The following ADAMTS18 variants were observed in gnomAD, a reference collection of about 807,000 sequenced individuals.
ADAMTS18 encodes the protein A disintegrin and metalloproteinase with thrombospondin motifs 18.
In ADAMTS18, 157 loss-of-function variants were observed where a neutral mutation model predicts 165.9. The ratio of observed to expected loss-of-function variants is 0.95; its 90% CI spans 0.83 to 1.08. The LOEUF (loss-of-function observed/expected upper bound fraction) is 1.08, where lower values mean the gene tolerates loss of function less well. Ranked by LOEUF, ADAMTS18 falls within the 50% of genes least tolerant of loss-of-function variation. The probability of loss-of-function intolerance (pLI) is 0.00; values close to 1 mark genes in which losing one functional copy is unlikely to be tolerated. For missense variants in ADAMTS18, 2,040 were observed against 1,534.0 expected (o/e 1.33, Z -5.51); for synonymous variants, 782 against 578.2 (o/e 1.35, Z -5.06).
intron 11 of ADAMTS18, among the ~76,000 whole-genome samples, chr16:77,340,911 G>C (rs1435401892): frequency 6.6e-6 from 1 of 152,030 alleles, no homozygotes; most frequent in Non-Finnish European, 1.5e-5. Context: ...TTTCTGTATA[G>C]GTTTATACTG....
In ADAMTS18 at chr16:77,380,031, G is replaced by C. The variant is rs568082870; in HGVS notation, c.496-12308C>G. 6.7e-4 allele frequency among the ~76,000 whole-genome samples: 102 copies of C among 152,298 alleles called. 1 individual carries two copies. Among genetic ancestry groups the C allele is most frequent in the Non-Finnish European group, 1.2e-3 (84 of 68,028 alleles). Reference sequence around the variant, plus strand: ...CTGATAACGGTAGACTAGAAAAAAGGTTCCAAAAGTCTTGCTGCCGAGGTC... The same window carrying C: ...CTGATAACGGTAGACTAGAAAAAAGCTTCCAAAAGTCTTGCTGCCGAGGTC... On this transcript the variant is annotated intron_variant, in intron 3 of 22. Coordinates refer to ENST00000282849, the MANE Select transcript of ADAMTS18 (RefSeq NM_199355.4).
In ADAMTS18 at chr16:77,353,715, A is replaced by C. The variant is rs746117299; in HGVS notation, c.1614+18T>G. On this transcript the variant is annotated intron_variant, in intron 10 of 22. Transcript: ENST00000282849. ...TTGCAGAGTCTTAATGTAAGTTTGA[A>C]ATCACAAGCAAACATACCTTCACAA... is the stretch of plus-strand genomic sequence containing the variant. 5.0e-6 allele frequency: 8 copies of C among 1,614,190 alleles called. No individual in the cohort carries two copies. The Admixed American group carries it at 5.0e-5, about 10-fold the overall frequency.
In ADAMTS18 at chr16:77,314,649, G is replaced by GTGTGTGTGTATA. The variant is rs10527824; in HGVS notation, c.2532+5199_2532+5200insTATACACACACA. Among the ~76,000 whole-genome samples the GTGTGTGTGTATA allele has an allele frequency of 8.8e-3, 1,108 of 126,444 alleles. 33 individuals carry two copies. The highest frequency in any genetic ancestry group is 0.029 in the African/African-American group (941 of 32,088). 83.0% of individuals were successfully genotyped at this position (126,444 alleles called of 152,430 possible). A position where few individuals can be genotyped will look rare whatever the true frequency, so the allele number is the denominator to read the frequency against. On this transcript the variant is annotated intron_variant, in intron 16 of 22. Transcript: ENST00000282849. Reference sequence around the variant, plus strand: ...AATGTGTGTGTATGTGTGTGTGTGTGTATATATATATATGTACATATATAC... The same window carrying GTGTGTGTGTATA: ...AATGTGTGTGTATGTGTGTGTGTGTGTGTGTGTGTATATATATATATATATGTACATATATAC...
At chr16:77,432,452 T>C (rs919047319) in intron 2 of ADAMTS18, 2 of 152,204 alleles carry the variant, frequency 1.3e-5, no homozygotes, top group African/African-American at 4.8e-5. Flanking sequence ...AATTGCTGAA[T>C]GTTCCAAAGA....
intron 22 of ADAMTS18, among the ~76,000 whole-genome samples, chr16:77,286,627 A>ATTTTTATGATTT (rs1205089561): frequency 1.3e-5 from 2 of 152,076 alleles, no homozygotes; most frequent in Non-Finnish European, 2.9e-5. Flanking sequence ...ATTCAACTCT[A>ATTTTTATGATTT]TTTTTATGAT....
chr16:77,364,478 G>A, intron 4 of ADAMTS18, 97 bp from the exon 5 acceptor site: 2 of 1,358,756 alleles, frequency 1.5e-6, no homozygotes, highest in South Asian at 1.3e-5. Context: ...GAGAAACTAT[G>A]TAACCAACAC....
chr16:77,400,456 CTGTGTG>C (rs796918149), intron 3 of ADAMTS18, among the ~76,000 whole-genome samples: 12 of 110,788 alleles, frequency 1.1e-4, no homozygotes, highest in Middle Eastern at 4.7e-3. Flanking sequence ...GTGTGTGTGT[CTGTGTG>C]TGTGTGTGTG....
At chr16:77,371,126 G>A (rs997040838) in intron 3 of ADAMTS18, among the ~76,000 whole-genome samples, 33 of 152,054 alleles carry the variant, frequency 2.2e-4, no homozygotes, top group African/African-American at 7.7e-4. Context: ...GAGCTGGGAG[G>A]ATTGCCTTAG....
At chr16:77,382,317 T>C (rs1943229592) in intron 3 of ADAMTS18, among the ~76,000 whole-genome samples, 1 of 152,110 alleles carries the variant, frequency 6.6e-6, no homozygotes, top group African/African-American at 2.4e-5. Context: ...TTCATGCCAT[T>C]CTCCTGCCTC....
At chr16:77,387,488 A>C (rs957004885) in intron 3 of ADAMTS18, among the ~76,000 whole-genome samples, 1 of 152,222 alleles carries the variant, frequency 6.6e-6, no homozygotes, top group East Asian at 1.9e-4. Flanking sequence ...TCAAGAGTAC[A>C]CACACAGAGG....
chr16:77,377,433 T>C (rs1368165166), intron 3 of ADAMTS18, among the ~76,000 whole-genome samples: 1 of 152,236 alleles, frequency 6.6e-6, no homozygotes, highest in African/African-American at 2.4e-5. Context: ...TTTCTACCTA[T>C]TAAATAATCA....
At chr16:77,372,467 G>T (rs2056889952) in intron 3 of ADAMTS18, among the ~76,000 whole-genome samples, 2 of 152,202 alleles carry the variant, frequency 1.3e-5, no homozygotes, top group Admixed American at 6.5e-5. Flanking sequence ...GGTAACACAG[G>T]ATAGTCATCT....
In ADAMTS18 at chr16:77,434,652, C is replaced by T. The variant is rs1167321470; in HGVS notation, c.44G>A (p.Gly15Asp). The part of the protein sequence containing the change: ...LLLACAFPAA[G>D]SGPPRGLAGL... ...CGCCAGGCCCCTCGGCGGGCCCGAA[C>T]CCGCAGCCGGGAAGGCACACGCGAG... Residue 15 changes from glycine to aspartate, a missense_variant, in exon 1 of 23, where the codon GGT becomes GAT. Physicochemically the swap from Gly to Asp is moderately conservative, Grantham distance 94 (BLOSUM62 -1). Transcript: ENST00000282849. 3 of 1,480,322 alleles carry T rather than the reference C, an allele frequency of 2.0e-6. No individual in the cohort carries two copies. The highest frequency in any genetic ancestry group is 2.9e-5 in the African/African-American group (2 of 68,258). The allele number at this position is 1,480,322 out of a possible 1,614,324, so 91.7% of individuals were successfully genotyped here.
chr16:77,409,120 A>G (rs971721449), intron 3 of ADAMTS18, among the ~76,000 whole-genome samples: 1 of 152,168 alleles, frequency 6.6e-6, no homozygotes, highest in Non-Finnish European at 1.5e-5. Flanking sequence ...AGTTTCAGGC[A>G]TCCACCGGAG....
chr16:77,408,878 T>C (rs1009892653), intron 3 of ADAMTS18, among the ~76,000 whole-genome samples: 1 of 152,112 alleles, frequency 6.6e-6, no homozygotes, highest in African/African-American at 2.4e-5. Context: ...TTACTCAAAG[T>C]CAACCACAGT....
chr16:77,393,169 G>C (rs2057212301), intron 3 of ADAMTS18, among the ~76,000 whole-genome samples: 1 of 152,194 alleles, frequency 6.6e-6, no homozygotes, highest in African/African-American at 2.4e-5. Flanking sequence ...GTCCAGAGCA[G>C]AACATGACTT....
At chr16:77,399,939 T>C (rs1340853542) in intron 3 of ADAMTS18, among the ~76,000 whole-genome samples, 4 of 152,134 alleles carry the variant, frequency 2.6e-5, no homozygotes, top group African/African-American at 9.7e-5. Context: ...AGTCTATCTT[T>C]AGGAAGAGAG....
chr16:77,291,513 C>T (rs756383762), intron 20 of ADAMTS18, 35 bp from the exon 21 acceptor site: 1 of 1,599,330 alleles, frequency 6.3e-7, no homozygotes, highest in Non-Finnish European at 8.6e-7. Context: ...AAAGTGAAGA[C>T]TGCCAGGATC....
intron 3 of ADAMTS18, among the ~76,000 whole-genome samples, chr16:77,368,776 C>G (rs2056835786): frequency 6.6e-6 from 1 of 152,126 alleles, no homozygotes; most frequent in African/African-American, 2.4e-5. Flanking sequence ...CAGAGAAAGG[C>G]ATGAGTGATG....
Sources: gnomAD v4.1 joint callset for allele counts (sites outside exome capture counted in the v4.1 genomes callset) on GRCh38, gnomAD v4.1.1 for gene constraint, MANE v1.5 for transcripts, NCBI Gene and HGNC (gene_info 2026-07-23, HGNC 2026-07-21) for gene names.